The following RORA variants were observed in gnomAD, a reference collection of about 807,000 sequenced individuals.
RORA encodes RAR related orphan receptor A, also known as nuclear receptor ROR-alpha.
In RORA, 7 loss-of-function variants were observed where a neutral mutation model predicts 69.5. That is an observed-to-expected ratio of 0.10 (90% CI 0.06 to 0.19). The LOEUF (loss-of-function observed/expected upper bound fraction) is 0.19. Among genes scored for constraint, RORA ranks in the 10% least tolerant of loss-of-function variants. The probability of loss-of-function intolerance (pLI) is 1.00; values close to 1 mark genes in which losing one functional copy is unlikely to be tolerated. For missense variants in RORA, 457 were observed against 663.0 expected (o/e 0.69, Z 3.41); for synonymous variants, 261 against 240.8 (o/e 1.08, Z -0.78).
At chr15:60,498,859 GAAA>G (rs112516096) in intron 10 of RORA, among the ~76,000 whole-genome samples, 2 of 109,746 alleles carry the variant, frequency 1.8e-5, no homozygotes, top group African/African-American at 3.0e-5. Flanking sequence ...CTATAAAGGA[GAAA>G]AAAAAAAAAA....
At chr15:61,009,823 T>C (rs1312276974) in intron 1 of RORA, among the ~76,000 whole-genome samples, 2 of 152,210 alleles carry the variant, frequency 1.3e-5, no homozygotes, top group Non-Finnish European at 2.9e-5. Flanking sequence ...TTGGTGTTCA[T>C]TACTTTGGAC....
intron 1 of RORA, among the ~76,000 whole-genome samples, chr15:60,932,029 A>G (rs1369455673): frequency 7.0e-6 from 1 of 142,322 alleles, no homozygotes; most frequent in East Asian, 1.9e-4. Flanking sequence ...ATATTGAATC[A>G]AGAGTTTTTT....
At chr15:60,701,560 A>G (rs1596138274) in intron 1 of RORA, among the ~76,000 whole-genome samples, 1 of 152,314 alleles carries the variant, frequency 6.6e-6, no homozygotes, top group East Asian at 1.9e-4. Context: ...GAATGCATTC[A>G]CTAGCTCAAT....
At chr15:60,732,029 T>C (rs1334390443) in intron 1 of RORA, among the ~76,000 whole-genome samples, 1 of 152,196 alleles carries the variant, frequency 6.6e-6, no homozygotes, top group Non-Finnish European at 1.5e-5. Context: ...TCTTAGAGGC[T>C]GAGTTGAATG....
chr15:60,590,586 G>A (rs1475424033), intron 2 of RORA, among the ~76,000 whole-genome samples: 1 of 151,804 alleles, frequency 6.6e-6, no homozygotes, highest in Admixed American at 6.6e-5. Context: ...CTTCCAAATA[G>A]CAAAATCAAT....
At chr15:60,754,860 C>T (rs28378989) in intron 1 of RORA, among the ~76,000 whole-genome samples, 2 of 152,032 alleles carry the variant, frequency 1.3e-5, no homozygotes, top group South Asian at 2.1e-4. Flanking sequence ...CACTTCCCTT[C>T]GACTCCTTTC....
rs368935016 is a variant in RORA at position 61,132,032 on chromosome 15, C to A, written c.166+97021G>T. 4.4e-3 allele frequency among the ~76,000 whole-genome samples: 672 copies of A among 152,302 alleles called. 9 individuals carry two copies. The highest frequency in any genetic ancestry group is 0.015 in the African/African-American group (629 of 41,562). On this transcript the variant is annotated intron_variant, in intron 1 of 10. Coordinates refer to ENST00000335670, the MANE Select transcript of RORA (RefSeq NM_134261.3). ...TGCCTCCCTCACTTTCTCCTTCCCT[C>A]CCTCCCTCTCTCTTTTTAAAATAGA...
chr15:60,743,482 T>A (rs983074713), intron 1 of RORA, among the ~76,000 whole-genome samples: 1 of 152,214 alleles, frequency 6.6e-6, no homozygotes, highest in African/African-American at 2.4e-5. Flanking sequence ...TAAGCTTGAC[T>A]AAGACCATCA....
intron 1 of RORA, among the ~76,000 whole-genome samples, chr15:61,089,850 T>TG (rs149804364): frequency 4.1e-3 from 626 of 152,210 alleles, no homozygotes; most frequent in African/African-American, 0.014. Context: ...CTCATCAAGC[T>TG]GTTGGCAAAT....
At chr15:60,635,136 G>A (rs921007628) in intron 2 of RORA, among the ~76,000 whole-genome samples, 1 of 152,202 alleles carries the variant, frequency 6.6e-6, no homozygotes, top group African/African-American at 2.4e-5. Flanking sequence ...GCACATCGAT[G>A]TGCCGCCTCA....
intron 2 of RORA, among the ~76,000 whole-genome samples, chr15:60,562,791 G>A (rs2067609289): frequency 6.6e-6 from 1 of 151,932 alleles, no homozygotes; most frequent in African/African-American, 2.4e-5. Context: ...TGCCCAGGCT[G>A]CTCTCAAACT....
chr15:60,714,245 G>A lies in RORA; in HGVS notation c.167-35559C>T, dbSNP rs111276243. 2.1e-4 allele frequency among the ~76,000 whole-genome samples: 32 copies of A among 152,068 alleles called. 1 individual carries two copies. The highest frequency in any genetic ancestry group is 7.2e-4 in the African/African-American group (30 of 41,496). ...ATTTCTTTTTTGTATTTTTAGTAGA[G>A]ATGGGGTTTCGCCACATTGACCAGC... On this transcript the variant is annotated intron_variant, in intron 1 of 10. Coordinates refer to ENST00000335670, the MANE Select transcript of RORA (RefSeq NM_134261.3).
intron 5 of RORA, among the ~76,000 whole-genome samples, chr15:60,510,718 T>C (rs921521343): frequency 2.0e-5 from 3 of 152,250 alleles, no homozygotes; most frequent in Admixed American, 6.5e-5. Context: ...TCAGTGTAAA[T>C]AGATCATTTT....
intron 1 of RORA, among the ~76,000 whole-genome samples, chr15:60,799,579 C>T (rs2072548868): frequency 6.6e-6 from 1 of 151,848 alleles, no homozygotes; most frequent in Non-Finnish European, 1.5e-5. Flanking sequence ...TGCATTGGTC[C>T]AAAAACATTG....
chr15:60,920,511 C>A (rs1395035222), intron 1 of RORA, among the ~76,000 whole-genome samples: 2 of 152,156 alleles, frequency 1.3e-5, no homozygotes, highest in Non-Finnish European at 2.9e-5. Context: ...TCTCTTAGGC[C>A]TAAAGTCACC....
At chr15:61,220,945 A>T (rs1027396705) in intron 1 of RORA, among the ~76,000 whole-genome samples, 1 of 152,074 alleles carries the variant, frequency 6.6e-6, no homozygotes, top group African/African-American at 2.4e-5. Context: ...CCCCAGCCCC[A>T]AACAGGCATT....
At chr15:60,602,761 C>T (rs2068848732) in intron 2 of RORA, among the ~76,000 whole-genome samples, 2 of 152,180 alleles carry the variant, frequency 1.3e-5, no homozygotes, top group Admixed American at 1.3e-4. Context: ...TCTTTCAGAT[C>T]TCAGCTTTTT....
At chr15:60,709,498 G>A (rs531987672) in intron 1 of RORA, among the ~76,000 whole-genome samples, 11 of 152,278 alleles carry the variant, frequency 7.2e-5, no homozygotes, top group Non-Finnish European at 1.3e-4. Flanking sequence ...CCGCACAGCA[G>A]GAGGTGAGCC....
At chr15:61,122,027 CA>C (rs1166334557) in intron 1 of RORA, among the ~76,000 whole-genome samples, 2 of 152,040 alleles carry the variant, frequency 1.3e-5, no homozygotes, top group African/African-American at 2.4e-5. Context: ...TTAGAAACAC[CA>C]GGGAAATAAG....
Sources: gnomAD v4.1 joint callset for allele counts (sites outside exome capture counted in the v4.1 genomes callset) on GRCh38, gnomAD v4.1.1 for gene constraint, MANE v1.5 for transcripts, NCBI Gene and HGNC (gene_info 2026-07-23, HGNC 2026-07-21) for gene names.